Variants in SCAPER observed in about 807,000 individuals in gnomAD.
SCAPER encodes S phase cyclin A-associated protein in the endoplasmic reticulum.
SCAPER carries 98 observed loss-of-function variants against 182.2 expected under a neutral mutation model. The observed-to-expected ratio is 0.54, with a 90% CI of 0.46 to 0.64. The LOEUF (loss-of-function observed/expected upper bound fraction) is 0.64. SCAPER is among the 30% of genes least tolerant of loss of function. The pLI is 0.00. For synonymous variants in SCAPER, 605 were observed against 564.6 expected (o/e 1.07, Z -1.01); for missense variants, 1,432 against 1,690.0 (o/e 0.85, Z 2.68).
chr15:76,465,866 TC>T (rs1336431427), intron 25 of SCAPER, among the ~76,000 whole-genome samples: 2 of 152,124 alleles, frequency 1.3e-5, no homozygotes, highest in African/African-American at 4.8e-5. Context: ...TTGTCAAAGA[TC>T]AGTTAATTGG....
intron 22 of SCAPER, among the ~76,000 whole-genome samples, chr15:76,587,873 C>T (rs928677112): frequency 2.3e-4 from 35 of 151,988 alleles, no homozygotes; most frequent in African/African-American, 8.5e-4. Context: ...CAGTGGAGTA[C>T]TGAAGTCCCC....
chr15:76,571,865 T>C (rs2047454629), intron 23 of SCAPER, among the ~76,000 whole-genome samples: 1 of 152,154 alleles, frequency 6.6e-6, no homozygotes, highest in African/African-American at 2.4e-5. Flanking sequence ...ATCAGCTGAA[T>C]TACACTGAAA....
intron 23 of SCAPER, among the ~76,000 whole-genome samples, chr15:76,555,892 A>G (rs2046158793): frequency 6.6e-6 from 1 of 152,206 alleles, no homozygotes; most frequent in African/African-American, 2.4e-5. Context: ...CCTAATAGAC[A>G]TGAACAGAAC....
intron 27 of SCAPER, among the ~76,000 whole-genome samples, chr15:76,384,762 G>A (rs1279432707): frequency 6.6e-6 from 1 of 152,212 alleles, no homozygotes; most frequent in African/African-American, 2.4e-5. Context: ...CAGGACTAAT[G>A]TAGACATGAA....
At chr15:76,896,615 A>G (rs1466295705) in intron 1 of SCAPER, among the ~76,000 whole-genome samples, 2 of 152,144 alleles carry the variant, frequency 1.3e-5, no homozygotes, top group African/African-American at 4.8e-5. Flanking sequence ...ACAGAAAGAG[A>G]AAAAACAATC....
chr15:76,891,329 G>T (rs563119573), intron 1 of SCAPER, among the ~76,000 whole-genome samples: 2 of 152,228 alleles, frequency 1.3e-5, no homozygotes, highest in East Asian at 3.9e-4. Context: ...GAGCAATTAG[G>T]CAAGAGAAAG....
At chr15:76,876,107 T>G (rs1247364764) in intron 2 of SCAPER, among the ~76,000 whole-genome samples, 2 of 151,910 alleles carry the variant, frequency 1.3e-5, no homozygotes, top group Admixed American at 6.5e-5. Context: ...CCACTCCGAG[T>G]ACAGGAGCCC....
At chr15:76,747,371 G>A (rs144942789) in intron 15 of SCAPER, among the ~76,000 whole-genome samples, 4 of 151,948 alleles carry the variant, frequency 2.6e-5, no homozygotes, top group Admixed American at 6.5e-5. Flanking sequence ...GTGTGGTGGC[G>A]TGCACCAGTA....
chr15:76,875,930 G>C (rs909986427), intron 2 of SCAPER, among the ~76,000 whole-genome samples: 1 of 152,176 alleles, frequency 6.6e-6, no homozygotes, highest in East Asian at 1.9e-4. Context: ...TGGGGGGCGG[G>C]GTCAGGCTCA....
Position 76,765,042 on chromosome 15 carries a change from T to C in SCAPER, c.1644A>G (p.Glu548=). ...GCTGCTGTGCTTTCATTTGTTTTTC[T>C]TCATGTTTCTTCTTAGATTCTGCAA... ...RTIAESKKKH[E]EKQMKAQQLR... Residue 548 remains glutamate, a synonymous_variant, in exon 14 of 32, where the codon GAA becomes GAG. Coordinates refer to ENST00000563290, the MANE Select transcript of SCAPER (RefSeq NM_020843.4). 2 of 1,593,408 alleles carry C rather than the reference T, an allele frequency of 1.3e-6. No homozygotes were observed. Among genetic ancestry groups the C allele is most frequent in the Non-Finnish European group, 1.7e-6 (2 of 1,169,894 alleles).
chr15:76,696,449 C>T (rs1266981123), intron 20 of SCAPER, among the ~76,000 whole-genome samples: 1 of 152,130 alleles, frequency 6.6e-6, no homozygotes, highest in African/African-American at 2.4e-5. Flanking sequence ...AGGTCCCATT[C>T]ATACCTTTCA....
intron 17 of SCAPER, 36 bp downstream of exon 17, chr15:76,728,559 A>C (rs80010060): frequency 6.2e-7 from 1 of 1,610,668 alleles, no homozygotes; most frequent in Non-Finnish European, 8.5e-7. Flanking sequence ...ATATTCACTC[A>C]GTGCAAAATG....
At chr15:76,378,139 G>T (rs746292351) in intron 28 of SCAPER, among the ~76,000 whole-genome samples, 1 of 152,188 alleles carries the variant, frequency 6.6e-6, no homozygotes, top group Non-Finnish European at 1.5e-5. Context: ...CCAGATTCAG[G>T]GGTCTAATGA....
In SCAPER at chr15:76,434,191, G is replaced by A. The variant is rs758528657; in HGVS notation, c.3198C>T (p.Ala1066=). Residue 1066 remains alanine, a synonymous_variant, in exon 26 of 32, where the codon GCC becomes GCT. Transcript: ENST00000563290. ...VSAVVLGCLI[A]NRPDGNCQPA... is the part of the protein sequence containing the mutation. ...GCTGGCAGTTTCCATCTGGTCGATTGGCAATCAGGCAGCCCAAAACCACAG... is the reference window on the plus strand; with the variant it reads ...GCTGGCAGTTTCCATCTGGTCGATTAGCAATCAGGCAGCCCAAAACCACAG... 1 of 1,613,876 alleles carries A rather than the reference G, an allele frequency of 6.2e-7. No homozygotes were observed. The highest frequency in any genetic ancestry group is 2.2e-5 in the East Asian group (1 of 44,882).
chr15:76,769,160 C>T (rs1484353618), intron 10 of SCAPER, among the ~76,000 whole-genome samples: 5 of 151,906 alleles, frequency 3.3e-5, no homozygotes, highest in Non-Finnish European at 7.4e-5. Context: ...AACAAACAAC[C>T]TGGCCAGGCG....
chr15:76,766,806 T>C, intron 11 of SCAPER, 112 bp downstream of exon 11: 1 of 837,362 alleles, frequency 1.2e-6, no homozygotes, highest in Non-Finnish European at 1.8e-6. Context: ...ACATGATTTT[T>C]AAATAAATAA....
chr15:76,711,414 A>G (rs1185471885), intron 17 of SCAPER, among the ~76,000 whole-genome samples: 1 of 152,224 alleles, frequency 6.6e-6, no homozygotes, highest in East Asian at 1.9e-4. Flanking sequence ...TAATAAGCAC[A>G]CTGACAACAT....
At chr15:76,541,642 G>A (rs923427963) in intron 23 of SCAPER, among the ~76,000 whole-genome samples, 2 of 152,080 alleles carry the variant, frequency 1.3e-5, no homozygotes, top group Non-Finnish European at 2.9e-5. Context: ...TAAACACAGC[G>A]ACAGCTCCTG....
intron 5 of SCAPER, among the ~76,000 whole-genome samples, chr15:76,830,551 C>G (rs148637436): frequency 5.5e-4 from 83 of 151,800 alleles, no homozygotes; most frequent in African/African-American, 2.0e-3. Context: ...GGAATTAATC[C>G]ATTGGATAGT....
Sources: allele counts gnomAD v4.1 joint callset (sites outside exome capture counted in the v4.1 genomes callset), GRCh38; gene constraint gnomAD v4.1.1; transcripts MANE v1.5; gene names NCBI Gene and HGNC (gene_info 2026-07-23, HGNC 2026-07-21).